ANK2: variants seen among roughly 807,000 people sequenced by gnomAD.
ANK2 encodes ankyrin 2.
ANK2 carries 83 observed loss-of-function variants against 360.5 expected under a neutral mutation model. The observed-to-expected ratio is 0.23, with a 90% CI of 0.19 to 0.28. ANK2 has a LOEUF of 0.28. Ranked by LOEUF, ANK2 falls within the 10% of genes least tolerant of loss-of-function variation. The probability of loss-of-function intolerance (pLI) is 1.00; values close to 1 mark genes in which losing one functional copy is unlikely to be tolerated. For missense variants in ANK2, 4,201 were observed against 4,795.7 expected (o/e 0.88, Z 3.66); for synonymous variants, 1,740 against 1,759.5 (o/e 0.99, Z 0.28).
intron 4 of ANK2, among the ~76,000 whole-genome samples, chr4:113,201,941 T>C (rs1486609889): frequency 6.6e-6 from 1 of 152,190 alleles, no homozygotes; most frequent in East Asian, 1.9e-4. Flanking sequence ...TACTATTAGG[T>C]CAATTTAAGA....
chr4:112,721,541 CAAAAAAAAAAAA>C, the ANK2 span, among the ~76,000 whole-genome samples: 5 of 46,888 alleles, frequency 1.1e-4, no homozygotes, highest in East Asian at 7.1e-4. Flanking sequence ...GACCCCATCT[CAAAAAAAAAAAA>C]AAAAAAAAAA....
chr4:113,247,621 CCTT>C (rs2043719537), intron 9 of ANK2, among the ~76,000 whole-genome samples: 1 of 152,166 alleles, frequency 6.6e-6, no homozygotes, highest in Admixed American at 6.5e-5. Flanking sequence ...GCCATTCCCT[CCTT>C]CATCTTTCAA....
rs78988500 is a variant in ANK2 at position 113,011,971 on chromosome 4, G to T, written c.21+107457G>T. On this transcript the variant is annotated intron_variant, in intron 2 of 30. Transcript: ENST00000503271. Reference sequence around the variant, plus strand: ...TTCCTAATTCTGTAGCTGAGTTGAGGGTTATTATTCTCATAATACCATGTC... The same window carrying T: ...TTCCTAATTCTGTAGCTGAGTTGAGTGTTATTATTCTCATAATACCATGTC... 6.9e-3 allele frequency among the ~76,000 whole-genome samples: 1,053 copies of T among 151,876 alleles called. 14 individuals carry two copies. The highest frequency in any genetic ancestry group is 0.024 in the African/African-American group (1,003 of 41,418).
intron 22 of ANK2, among the ~76,000 whole-genome samples, chr4:113,297,724 A>C (rs1027967833): frequency 1.3e-5 from 2 of 152,070 alleles, no homozygotes; most frequent in African/African-American, 4.8e-5. Context: ...CTATTATATT[A>C]TGTATATATA....
In ANK2 at chr4:112,940,133, C is replaced by T. The variant is rs553745134; in HGVS notation, c.21+35619C>T. 5.9e-5 allele frequency among the ~76,000 whole-genome samples: 9 copies of T among 152,270 alleles called. No homozygotes were observed. In the East Asian group the frequency reaches 1.2e-3, roughly 20 times the overall value. ...GTCATAAACTTCCACCATGTCATCT[C>T]GCGTTTCCATTGCCTTAGTAATTTG... On this transcript the variant is annotated intron_variant, in intron 2 of 30. Transcript: ENST00000503271.
At chr4:113,368,729 G>C (rs549025442) in intron 42 of ANK2, among the ~76,000 whole-genome samples, 9 of 152,262 alleles carry the variant, frequency 5.9e-5, no homozygotes, top group African/African-American at 2.2e-4. Context: ...GATGAAATGA[G>C]TAATGAAATT....
Position 113,383,381 on chromosome 4 carries a change from G to A in ANK2, c.*1910G>A, listed in dbSNP as rs1045915475. 1 of 152,564 alleles carries A rather than the reference G, an allele frequency of 6.6e-6. No homozygotes were observed. The highest frequency in any genetic ancestry group is 1.5e-5 in the Non-Finnish European group (1 of 68,034). The allele number at this position is 152,564 out of a possible 1,614,324, so 9.5% of individuals were successfully genotyped here. On this transcript the variant is annotated 3_prime_UTR_variant, in exon 46 of 46. Transcript: ENST00000357077. ...GCAGCCAAAATAAGAGAGGCCGATG[G>A]TGAAACTTTTTGAGACACCCTATGG...
chr4:112,859,073 A>T (rs1291472545), intron 1 of ANK2, among the ~76,000 whole-genome samples: 2 of 152,204 alleles, frequency 1.3e-5, no homozygotes, highest in African/African-American at 4.8e-5. Flanking sequence ...TCTTCCTAGA[A>T]CTTTCCATGA....
intron 1 of ANK2, among the ~76,000 whole-genome samples, chr4:113,110,479 T>C (rs1044529739): frequency 2.6e-5 from 4 of 152,208 alleles, no homozygotes; most frequent in African/African-American, 9.7e-5. Context: ...GCATATCTTA[T>C]GTCTGTTGGT....
In ANK2 at chr4:113,367,570, C is replaced by G; in HGVS notation, c.11037C>G (p.Phe3679Leu). 4 of 1,613,590 alleles carry G rather than the reference C, an allele frequency of 2.5e-6. No homozygotes were observed. Among genetic ancestry groups the G allele is most frequent in the Non-Finnish European group, 3.4e-6 (4 of 1,179,938 alleles). The part of the protein sequence containing the change: ...QTITLDHSEG[F>L]SVLQEELCTA... ...CTTAAATCATTCTGCCTTTAGGGTT[C>G]TCGGTACTTCAAGAGGAGTTATGCA... Residue 3679 changes from phenylalanine to leucine, a missense_variant, in exon 42 of 46, where the codon TTC (phenylalanine) becomes TTG (leucine). This residue lies in a region of ANK2 where 2,642 missense variants were observed against 2,714.5 expected (regional missense o/e 0.97). Transcript: ENST00000357077.
intron 1 of ANK2, among the ~76,000 whole-genome samples, chr4:112,863,818 G>A (rs868530062): frequency 1.3e-5 from 2 of 152,172 alleles, no homozygotes; most frequent in Middle Eastern, 3.4e-3. Context: ...CACCGCGCCC[G>A]GCCTAGAGTG....
chr4:113,375,496 C>T (rs1564201020), intron 45 of ANK2, among the ~76,000 whole-genome samples: 2 of 151,926 alleles, frequency 1.3e-5, no homozygotes, highest in Non-Finnish European at 1.5e-5. Context: ...GAGGCCGAGG[C>T]AGGCGGATCA....
At chr4:112,870,107 T>C (rs911155865) in intron 1 of ANK2, among the ~76,000 whole-genome samples, 4 of 152,142 alleles carry the variant, frequency 2.6e-5, no homozygotes, top group African/African-American at 4.8e-5. Flanking sequence ...CAAATGATTC[T>C]CCTGCCTCAG....
intron 2 of ANK2, among the ~76,000 whole-genome samples, chr4:112,915,553 C>T (rs2089455305): frequency 6.6e-6 from 1 of 151,948 alleles, no homozygotes. Flanking sequence ...GAGTTCAACA[C>T]CAGCCTCAGC....
At chr4:113,124,525 T>C (rs1476933850) in intron 1 of ANK2, among the ~76,000 whole-genome samples, 1 of 152,164 alleles carries the variant, frequency 6.6e-6, no homozygotes, top group Non-Finnish European at 1.5e-5. Context: ...GTTTTTGTTT[T>C]TTTCATGAAA....
At chr4:113,098,574 C>T (rs1216987902) in intron 1 of ANK2, among the ~76,000 whole-genome samples, 1 of 151,968 alleles carries the variant, frequency 6.6e-6, no homozygotes, top group South Asian at 2.1e-4. Flanking sequence ...AAGCACCAGG[C>T]TCAAATGGTT....
intron 2 of ANK2, among the ~76,000 whole-genome samples, chr4:112,968,125 A>T (rs928220701): frequency 2.6e-5 from 4 of 152,138 alleles, no homozygotes; most frequent in Admixed American, 2.6e-4. Flanking sequence ...TCAATTGCTT[A>T]TTCATTTGAA....
rs150492270 is a variant in ANK2 at position 113,358,023 on chromosome 4, T to G, written c.9405T>G (p.Gly3135=). The G allele has an allele frequency of 2.5e-6, 4 of 1,613,850 alleles. No individual in the cohort carries two copies. Among genetic ancestry groups the G allele is most frequent in the Non-Finnish European group, 3.4e-6 (4 of 1,179,970 alleles). Residue 3135 remains glycine, a synonymous_variant, in exon 38 of 46, where the codon GGT becomes GGG. Coordinates refer to ENST00000357077, the MANE Select transcript of ANK2 (RefSeq NM_001148.6). ...AAAGTTTTCACTTTTTCCAAATTGG[T>G]CAAGAATCCAGGGAAGAGACTCTCT... ...ADESFHFFQI[G]QESREETLSE...
chr4:113,109,327 G>A (rs1295775982), intron 1 of ANK2, among the ~76,000 whole-genome samples: 1 of 151,978 alleles, frequency 6.6e-6, no homozygotes, highest in Non-Finnish European at 1.5e-5. Flanking sequence ...TGTACACCTG[G>A]TTGTCTTTGA....
Sources: gnomAD v4.1 joint callset for allele counts (sites outside exome capture counted in the v4.1 genomes callset) on GRCh38, gnomAD v4.1.1 for gene constraint, gnomAD v4.1.1 regional missense constraint, MANE v1.5 for transcripts, NCBI Gene and HGNC (gene_info 2026-07-23, HGNC 2026-07-21) for gene names.